Variants in ARAP3 observed in about 807,000 individuals in gnomAD.
ARAP3 encodes the protein ArfGAP with RhoGAP domain, ankyrin repeat and PH domain 3.
In ARAP3, 82 loss-of-function variants were observed where a neutral mutation model predicts 169.2. The observed-to-expected ratio is 0.48, with a 90% CI of 0.41 to 0.58. The LOEUF is 0.58. Ranked by LOEUF, ARAP3 falls within the 20% of genes least tolerant of loss-of-function variation. The probability of loss-of-function intolerance (pLI) is 0.00; values close to 1 mark genes in which losing one functional copy is unlikely to be tolerated. For synonymous variants in ARAP3, 791 were observed against 800.3 expected (o/e 0.99, Z 0.20); for missense variants, 1,764 against 2,018.0 (o/e 0.87, Z 2.41).
At chr5:141,678,193 C>T (rs1024135733) in intron 4 of ARAP3, among the ~76,000 whole-genome samples, 17 of 152,096 alleles carry the variant, frequency 1.1e-4, no homozygotes, top group Non-Finnish European at 7.4e-5. Flanking sequence ...TCAGGTGGTC[C>T]GCCAACCTTG....
chr5:141,661,643 G>A, intron 21 of ARAP3, 41 bp downstream of exon 21: 1 of 1,543,056 alleles, frequency 6.5e-7, no homozygotes, highest in African/African-American at 1.4e-5. Flanking sequence ...GGGTCAGATT[G>A]AAGTGAGGAA....
chr5:141,675,579 C>T (rs986807576), intron 4 of ARAP3, among the ~76,000 whole-genome samples: 17 of 151,956 alleles, frequency 1.1e-4, no homozygotes, highest in African/African-American at 4.1e-4. Flanking sequence ...AAAAATTAGC[C>T]AGGTGTGCTG....
intron 4 of ARAP3, among the ~76,000 whole-genome samples, chr5:141,677,903 G>A (rs894394503): frequency 3.3e-5 from 5 of 151,244 alleles, no homozygotes; most frequent in African/African-American, 1.2e-4. Flanking sequence ...TCCTGCCTCA[G>A]CCTCCCTAGT....
chr5:141,672,796 G>A lies in ARAP3; in HGVS notation c.1223C>T (p.Ala408Val), dbSNP rs763177554. 6.2e-7 allele frequency: 1 copy of A among 1,613,700 alleles called. No homozygotes were observed. Among genetic ancestry groups the A allele is most frequent in the Non-Finnish European group, 8.5e-7 (1 of 1,179,916 alleles). The change falls in exon 8 of 33, where the codon GCC becomes GTC. Residue 408 changes from alanine (A) to valine (V), a missense_variant. Physicochemically the swap from Ala to Val is moderately conservative, Grantham distance 64. Around this residue, in one of 3 missense-constraint regions of ARAP3, gnomAD observed 630 missense variants for 678.7 expected, o/e 0.93. Transcript: ENST00000239440. This position sits in a 1 kb window ranked among gnomAD's most constrained non-coding sequence, Gnocchi z 4.9. ...TGMLELRGHKAKVFAALSPGE... is the reference protein window; with the variant it reads ...TGMLELRGHKVKVFAALSPGE... The stretch of plus-strand genomic sequence containing the variant: ...AGGGCTCAAGGCAGCAAACACCTTG[G>A]CCTTGTGTCCACGCAGCTCCAGCAT...
chr5:141,673,162 A>C, intron 6 of ARAP3, 29 bp from the exon 7 acceptor site: 14 of 1,614,010 alleles, frequency 8.7e-6, no homozygotes, highest in Non-Finnish European at 1.0e-5. Flanking sequence ...ATGACCCATG[A>C]GGACAGGAAC....
At chr5:141,660,548 G>C (rs916083838) in intron 21 of ARAP3, among the ~76,000 whole-genome samples, 28 of 151,610 alleles carry the variant, frequency 1.8e-4, no homozygotes, top group African/African-American at 6.5e-4. Context: ...TACACTTTAT[G>C]TACAAAACTT....
Position 141,680,282 on chromosome 5 carries a change from C to T in ARAP3, c.205G>A (p.Gly69Ser), listed in dbSNP as rs1430299621. Residue 69 changes from glycine (G) to serine (S), a missense_variant, in exon 2 of 33, where the codon GGC becomes AGC. Coordinates refer to ENST00000239440, the MANE Select transcript of ARAP3 (RefSeq NM_022481.6). ...CTATCTGATTTGGGATCCAGGGAGCCCTCTTCGGTGCCTGTCTGTAGCAGG... is the reference window on the plus strand; with the variant it reads ...CTATCTGATTTGGGATCCAGGGAGCTCTCTTCGGTGCCTGTCTGTAGCAGG... ...LRLLQTGTEE[G>S]SLDPKSDSAM... 4.3e-6 allele frequency: 7 copies of T among 1,614,176 alleles called. No homozygotes were observed. The highest frequency in any genetic ancestry group is 3.3e-5 in the Admixed American group (2 of 60,026).
intron 6 of ARAP3, 63 bp downstream of exon 6, chr5:141,673,338 C>T: frequency 6.2e-7 from 1 of 1,603,534 alleles, no homozygotes; most frequent in Non-Finnish European, 8.5e-7. Context: ...CCTTCCAATT[C>T]TGAGCCCCTC....
intron 6 of ARAP3, 94 bp downstream of exon 6, chr5:141,673,306 CA>C (rs1238047469): frequency 2.0e-4 from 322 of 1,571,422 alleles, no homozygotes; most frequent in African/African-American, 1.4e-3. Flanking sequence ...CTGCCCCGCC[CA>C]CACACACAAT....
Position 141,672,390 on chromosome 5 carries a change from C to T in ARAP3, c.1386-89G>A. Reference sequence around the variant, plus strand: ...TTCCTGCAGGAGCCACCACAGGCCACACCTGGGGCAGCCCAGACCCTTCTG... The same window carrying T: ...TTCCTGCAGGAGCCACCACAGGCCATACCTGGGGCAGCCCAGACCCTTCTG... On this transcript the variant is annotated intron_variant, in intron 9 of 32. Coordinates refer to ENST00000239440, the MANE Select transcript of ARAP3 (RefSeq NM_022481.6). The surrounding 1 kb of genome is among the most constrained non-coding windows in gnomAD (Gnocchi z 4.9). 1 of 1,555,772 alleles carries T rather than the reference C, an allele frequency of 6.4e-7. No individual in the cohort carries two copies. Among genetic ancestry groups the T allele is most frequent in the Non-Finnish European group, 8.8e-7 (1 of 1,138,544 alleles).
At chr5:141,667,868 C>A (rs2099910884) in intron 16 of ARAP3, among the ~76,000 whole-genome samples, 1 of 151,010 alleles carries the variant, frequency 6.6e-6, no homozygotes, top group Non-Finnish European at 1.5e-5. Context: ...ATGGTGAAAC[C>A]CCATCTCTAC....
In ARAP3 at chr5:141,661,807, G is replaced by A. The variant is rs1447251652; in HGVS notation, c.3014-18C>T. ...GGGCAGCTCTGGGGATGGAATGGAG[G>A]AGGGTTGGGGAGGACCCGGGAAGAA... is the stretch of plus-strand genomic sequence containing the variant. On this transcript the variant is annotated intron_variant, in intron 20 of 32. Transcript: ENST00000239440. 1.9e-6 allele frequency: 3 copies of A among 1,612,392 alleles called. No individual in the cohort carries two copies. The highest frequency in any genetic ancestry group is 1.7e-5 in the Admixed American group (1 of 60,006).
chr5:141,670,451 G>T (rs1380117323), intron 14 of ARAP3, 61 bp downstream of exon 14: 3 of 1,511,274 alleles, frequency 2.0e-6, no homozygotes, highest in Non-Finnish European at 2.8e-6. Context: ...TCCCTCTGCA[G>T]TACCCTCACA....
chr5:141,655,338 C>G (rs768062603), intron 32 of ARAP3, 24 bp downstream of exon 32: 1 of 1,568,102 alleles, frequency 6.4e-7, no homozygotes, highest in South Asian at 1.2e-5. Context: ...ACAGGCACAC[C>G]GCTGGAGCAG....
intron 13 of ARAP3, among the ~76,000 whole-genome samples, 178 bp from the exon 14 acceptor site, chr5:141,670,806 G>T (rs80161128): frequency 1.3e-5 from 2 of 152,162 alleles, no homozygotes; most frequent in Non-Finnish European, 1.5e-5. Flanking sequence ...AGAGAGGCAG[G>T]GGGTAATGAG....
At chr5:141,658,742 G>T in intron 23 of ARAP3, 89 bp from the exon 24 acceptor site, 1 of 1,197,956 alleles carries the variant, frequency 8.3e-7, no homozygotes, top group Non-Finnish European at 1.1e-6. Context: ...CCTCATAAGT[G>T]ACTCTTCCAA....
At chr5:141,678,408 C>A (rs1442862163) in intron 4 of ARAP3, among the ~76,000 whole-genome samples, 1 of 152,186 alleles carries the variant, frequency 6.6e-6, no homozygotes, top group Non-Finnish European at 1.5e-5. Context: ...CTTGCCCTAC[C>A]GGGGCACTCT....
chr5:141,655,789 G>A (rs776167696), intron 30 of ARAP3, 31 bp from the exon 31 acceptor site: 3 of 1,614,138 alleles, frequency 1.9e-6, no homozygotes, highest in African/African-American at 1.3e-5. Context: ...TGGCATCAGT[G>A]GGCATGAAAG....
chr5:141,666,896 A>AC (rs1250705250), intron 16 of ARAP3, among the ~76,000 whole-genome samples: 1 of 151,804 alleles, frequency 6.6e-6, no homozygotes, highest in Non-Finnish European at 1.5e-5. Flanking sequence ...CATAAAGAAG[A>AC]CCCCTGTGTG....
Sources: allele counts gnomAD v4.1 joint callset (sites outside exome capture counted in the v4.1 genomes callset), GRCh38; gene constraint gnomAD v4.1.1; regional missense constraint gnomAD v4.1.1; non-coding constraint Gnocchi (gnomAD v3.1); transcripts MANE v1.5; gene names NCBI Gene and HGNC (gene_info 2026-07-23, HGNC 2026-07-21).